TIAM1: variants seen among roughly 807,000 people sequenced by gnomAD.
TIAM1 encodes rho guanine nucleotide exchange factor TIAM1.
A neutral mutation model predicts 163.5 loss-of-function variants in TIAM1; 65 were observed. The ratio of observed to expected loss-of-function variants is 0.40; its 90% confidence interval spans 0.33 to 0.49. TIAM1 has a LOEUF of 0.49. Ranked by LOEUF, TIAM1 falls within the 20% of genes least tolerant of loss-of-function variation. TIAM1 has a pLI of 0.77. For missense variants in TIAM1, 1,789 were observed against 2,044.7 expected (o/e 0.87, Z 2.41); for synonymous variants, 833 against 810.1 (o/e 1.03, Z -0.48).
At chr21:31,251,005 C>T (rs1453475048) in intron 5 of TIAM1, among the ~76,000 whole-genome samples, 1 of 152,170 alleles carries the variant, frequency 6.6e-6, no homozygotes, top group African/African-American at 2.4e-5. Flanking sequence ...ATGGTCTATA[C>T]AATCCATTAA....
In TIAM1 at chr21:31,395,062, A is replaced by AC. The variant is rs1282777830; in HGVS notation, c.-368-55641dup. 6.6e-6 allele frequency among the ~76,000 whole-genome samples: 1 copy of AC among 151,962 alleles called. No homozygotes were observed. Among genetic ancestry groups the AC allele is most frequent in the African/African-American group, 2.4e-5 (1 of 41,338 alleles). ...AGACCAGCCTGGCCAACACAGTGAA[A>AC]CCCCGTATCTACCAAAAATACAAAC... is the stretch of plus-strand genomic sequence containing the variant. On this transcript the variant is annotated intron_variant, in intron 2 of 28. Coordinates refer to the TIAM1 transcript ENST00000286827. The surrounding 1 kb of genome is among the most constrained non-coding windows in gnomAD (Gnocchi z 7.5).
intron 15 of TIAM1, among the ~76,000 whole-genome samples, chr21:31,175,341 T>A (rs989014559): frequency 5.3e-5 from 8 of 152,074 alleles, no homozygotes; most frequent in Non-Finnish European, 1.5e-5. Flanking sequence ...CTAGGGACAA[T>A]CACAGCACAG....
At chr21:31,396,954 C>CA (rs148828826) in intron 2 of TIAM1, among the ~76,000 whole-genome samples, 6,485 of 151,772 alleles carry the variant, frequency 0.043, 164 homozygotes, top group Middle Eastern at 0.085. Context: ...GTCACACACA[C>CA]AAAAAAAATT....
chr21:31,294,124 C>G (rs1428977961), intron 2 of TIAM1, among the ~76,000 whole-genome samples: 1 of 152,156 alleles, frequency 6.6e-6, no homozygotes, highest in Non-Finnish European at 1.5e-5. Flanking sequence ...TCCTCAATTC[C>G]AATGCAGCTG....
chr21:31,519,508 CA>C (rs538283897), intron 1 of TIAM1, among the ~76,000 whole-genome samples: 40,774 of 82,966 alleles, frequency 0.49, 6,591 homozygotes, highest in Middle Eastern at 0.61. Flanking sequence ...GATTCTGTCT[CA>C]AAAAAAAAAA....
chr21:31,210,184 T>C lies in TIAM1; in HGVS notation c.2249A>G (p.His750Arg), dbSNP rs762439715. The C allele has an allele frequency of 2.5e-6, 4 of 1,613,960 alleles. No homozygotes were observed. The African/African-American group carries it at 5.3e-5, about 22-fold the overall frequency. The change falls in exon 11 of 28, where the codon CAC becomes CGC. Residue 750 changes from histidine to arginine, a missense_variant. This residue lies in a region of TIAM1 where 456 missense variants were observed against 586.6 expected (regional missense o/e 0.78). Coordinates refer to ENST00000541036, the MANE Select transcript of TIAM1 (RefSeq NM_001353694.2). ...AATGTCGCAGTCAGGGTTGTGCTGG[T>C]GAACGTTAGGTAAGACCACTTCTTT... ...REKEVVLPNV[H>R]QHNPDCDIWV... is the part of the protein sequence containing the mutation.
chr21:31,151,328 G>C (rs1041782368), intron 19 of TIAM1, among the ~76,000 whole-genome samples: 1 of 152,168 alleles, frequency 6.6e-6, no homozygotes, highest in East Asian at 1.9e-4. Context: ...GCCCAAGAAA[G>C]GTGAATGGAT....
At chr21:31,159,426 G>A (rs949210441) in intron 16 of TIAM1, among the ~76,000 whole-genome samples, 1 of 152,164 alleles carries the variant, frequency 6.6e-6, no homozygotes. Context: ...AACCACCAAA[G>A]GCAATTTCTA....
At chr21:31,185,106 T>C (rs139539032) in intron 14 of TIAM1, among the ~76,000 whole-genome samples, 12 of 152,280 alleles carry the variant, frequency 7.9e-5, no homozygotes, top group African/African-American at 2.2e-4. Context: ...CTAAGCACAG[T>C]TGATCTGGAT....
chr21:31,543,942 G>A (rs1370218974), intron 1 of TIAM1, among the ~76,000 whole-genome samples: 1 of 152,218 alleles, frequency 6.6e-6, no homozygotes. Flanking sequence ...CCAGCACAGT[G>A]GCTCACGCCT....
intron 4 of TIAM1, among the ~76,000 whole-genome samples, chr21:31,260,541 C>G (rs2072402484): frequency 6.6e-6 from 1 of 151,962 alleles, no homozygotes; most frequent in African/African-American, 2.4e-5. Flanking sequence ...GAATGGCTAA[C>G]ATAAGCTATC....
intron 6 of TIAM1, among the ~76,000 whole-genome samples, chr21:31,241,973 G>A (rs2071204725): frequency 6.6e-6 from 1 of 152,094 alleles, no homozygotes; most frequent in Non-Finnish European, 1.5e-5. Context: ...TTGCACCACT[G>A]TACTCCAGCC....
chr21:31,384,193 A>G (rs1832810915), intron 2 of TIAM1, among the ~76,000 whole-genome samples: 1 of 152,122 alleles, frequency 6.6e-6, no homozygotes, highest in African/African-American at 2.4e-5. Flanking sequence ...AAGGCAATTA[A>G]GATACTCAAG....
At chr21:31,555,671 G>A (rs2048851700) in intron 1 of TIAM1, among the ~76,000 whole-genome samples, 1 of 152,186 alleles carries the variant, frequency 6.6e-6, no homozygotes, top group South Asian at 2.1e-4. Context: ...GCAAGGCTTT[G>A]ATGTGGTTCC....
At position 31,146,884 on chromosome 21, in the gene TIAM1, A is replaced by G. The variant is rs762986234; in HGVS notation, c.3475+11T>C. The G allele has an allele frequency of 5.0e-6, 8 of 1,610,960 alleles. No individual in the cohort carries two copies. The highest frequency in any genetic ancestry group is 3.3e-5 in the Admixed American group (2 of 59,980). ...AACACACCCCCACCTCCACATCCTC[A>G]GAGGCCTTACCTTTCACCAGGACCT... On this transcript the variant is annotated intron_variant, in intron 20 of 27. Transcript: ENST00000541036.
intron 2 of TIAM1, among the ~76,000 whole-genome samples, chr21:31,365,545 C>A (rs1373635075): frequency 6.6e-6 from 1 of 151,678 alleles, no homozygotes; most frequent in South Asian, 2.1e-4. Flanking sequence ...CCCGCCACCA[C>A]GCCTGGCTAA....
chr21:31,292,937 C>A (rs185723681), intron 2 of TIAM1, among the ~76,000 whole-genome samples: 38 of 152,262 alleles, frequency 2.5e-4, no homozygotes, highest in African/African-American at 6.3e-4. Flanking sequence ...GATCCACCTA[C>A]CTCAGCTTCC....
chr21:31,225,602 T>C (rs961705271), intron 7 of TIAM1, 124 bp downstream of exon 7: 22 of 757,376 alleles, frequency 2.9e-5, no homozygotes, highest in Non-Finnish European at 4.4e-5. Context: ...CTTAGCATCC[T>C]GGATGACAGG....
At chr21:31,453,514 C>T (rs1479258949) in intron 2 of TIAM1, among the ~76,000 whole-genome samples, 1 of 151,792 alleles carries the variant, frequency 6.6e-6, no homozygotes, top group Non-Finnish European at 1.5e-5. Flanking sequence ...ACCAACATGG[C>T]GAAACTCCAT....
Sources: allele counts gnomAD v4.1 joint callset (sites outside exome capture counted in the v4.1 genomes callset), GRCh38; gene constraint gnomAD v4.1.1; regional missense constraint gnomAD v4.1.1; non-coding constraint Gnocchi (gnomAD v3.1); transcripts MANE v1.5; gene names NCBI Gene and HGNC (gene_info 2026-07-23, HGNC 2026-07-21).